The following SNX30 variants were observed in gnomAD, a reference collection of about 807,000 sequenced individuals.
SNX30 encodes the protein sorting nexin-30.
SNX30 carries 24 observed loss-of-function variants against 46.4 expected under a neutral mutation model. The observed-to-expected ratio is 0.52, with a 90% CI of 0.37 to 0.73. SNX30 has a LOEUF of 0.73. Among genes scored for constraint, SNX30 ranks in the 30% least tolerant of loss-of-function variants. The pLI is 0.00. For missense variants in SNX30, 533 were observed against 555.7 expected, an observed-to-expected ratio of 0.96 and a Z score of 0.41; for synonymous variants, 189 against 211.5, an observed-to-expected ratio of 0.89 and a Z score of 0.92.
intron 3 of SNX30, among the ~76,000 whole-genome samples, chr9:112,825,579 C>G (rs1036642990): frequency 6.6e-6 from 1 of 152,162 alleles, no homozygotes. Flanking sequence ...TAGACATGAG[C>G]CACTGTGTCT....
At chr9:112,766,555 A>G (rs7858117) in intron 1 of SNX30, among the ~76,000 whole-genome samples, 34,253 of 152,104 alleles carry the variant, frequency 0.23, 3,925 homozygotes, top group Admixed American at 0.27. Flanking sequence ...TGTGCAACAG[A>G]TCTCCAGAAC....
chr9:112,836,510 A>C, intron 5 of SNX30, 101 bp downstream of exon 5: 1 of 1,296,482 alleles, frequency 7.7e-7, no homozygotes, highest in South Asian at 1.5e-5. Context: ...TGCTGGAGTG[A>C]CAGAACTAGG....
downstream of SNX30, among the ~76,000 whole-genome samples, chr9:112,876,415 A>G (rs182601240): frequency 6.6e-6 from 1 of 151,200 alleles, no homozygotes; most frequent in African/African-American, 2.4e-5. Context: ...AGAGTTAAAG[A>G]CCAGCCTGAG....
At chr9:112,765,829 A>C (rs1218766800) in intron 1 of SNX30, among the ~76,000 whole-genome samples, 1 of 152,098 alleles carries the variant, frequency 6.6e-6, no homozygotes, top group Non-Finnish European at 1.5e-5. Context: ...TTTGAGATGG[A>C]GTCTCACTCT....
At chr9:112,817,401 C>CTTTTTTGTT (rs1840414683) in intron 2 of SNX30, among the ~76,000 whole-genome samples, 1 of 46,832 alleles carries the variant, frequency 2.1e-5, no homozygotes, top group Non-Finnish European at 3.4e-5. Flanking sequence ...AAAAAACTGG[C>CTTTTTTGTT]TTTTTTTTTT....
At chr9:112,843,765 C>G (rs1037492523) in intron 6 of SNX30, among the ~76,000 whole-genome samples, 1 of 151,858 alleles carries the variant, frequency 6.6e-6, no homozygotes, top group African/African-American at 2.4e-5. Flanking sequence ...CAGGTGCGCA[C>G]CACCACGCCC....
At chr9:112,863,949 T>C (rs1841277938) in intron 7 of SNX30, among the ~76,000 whole-genome samples, 1 of 152,348 alleles carries the variant, frequency 6.6e-6, no homozygotes, top group South Asian at 2.1e-4. Flanking sequence ...CAAAGACATA[T>C]GAGTCTGAAT....
At chr9:112,866,040 A>G (rs1183704086) in intron 8 of SNX30, among the ~76,000 whole-genome samples, 1 of 152,098 alleles carries the variant, frequency 6.6e-6, no homozygotes, top group Non-Finnish European at 1.5e-5. Context: ...TCTTCCCACT[A>G]TATCACAGGC....
chr9:112,855,177 T>C (rs1841101159), intron 7 of SNX30, among the ~76,000 whole-genome samples: 1 of 152,110 alleles, frequency 6.6e-6, no homozygotes, highest in African/African-American at 2.4e-5. Context: ...TTGCCTGATG[T>C]GGTTGTGAGC....
At chr9:112,821,415 G>GTA (rs1380420714) in intron 3 of SNX30, among the ~76,000 whole-genome samples, 20 of 151,294 alleles carry the variant, frequency 1.3e-4, no homozygotes, top group South Asian at 6.3e-4. Context: ...ATATATGTGT[G>GTA]TATATATATA....
chr9:112,796,487 T>C (rs1475958206), intron 1 of SNX30, among the ~76,000 whole-genome samples: 5 of 152,154 alleles, frequency 3.3e-5, no homozygotes, highest in Non-Finnish European at 5.9e-5. Context: ...GCTGCTGCTG[T>C]AGTTGGACTC....
At chr9:112,839,946 T>C (rs553218334) in intron 6 of SNX30, among the ~76,000 whole-genome samples, 41 of 152,280 alleles carry the variant, frequency 2.7e-4, no homozygotes, top group Admixed American at 2.4e-3. Context: ...TAAAAACAAA[T>C]TATGATGGAA....
At chr9:112,808,389 A>G (rs576200252) in intron 2 of SNX30, among the ~76,000 whole-genome samples, 9 of 152,358 alleles carry the variant, frequency 5.9e-5, no homozygotes, top group African/African-American at 2.2e-4. Flanking sequence ...ATGTAGGCAA[A>G]GAATTATCCA....
chr9:112,817,445 G>A (rs1201069593), intron 2 of SNX30, among the ~76,000 whole-genome samples: 13 of 69,998 alleles, frequency 1.9e-4, no homozygotes, highest in African/African-American at 5.8e-4. Flanking sequence ...ACGGAGTCTC[G>A]CTCTGTCACC....
At chr9:112,878,272 C>T (rs949679245), downstream of SNX30, 1 of 152,316 alleles carries the variant, frequency 6.6e-6, no homozygotes, top group Non-Finnish European at 1.5e-5. Context: ...ACCCCAGTCT[C>T]ATCTTACTGT....
chr9:112,864,136 T>A lies in SNX30; in HGVS notation c.1102-111T>A, dbSNP rs12001447. On this transcript the variant is annotated intron_variant, in intron 7 of 8. Transcript: ENST00000374232. ...GCCTCCAGAGGAGGGAGCGTGTTGA[T>A]AGCATTTTAATGTAGGGCTTTGGCC... The A allele has an allele frequency of 8.3e-4, 968 of 1,170,138 alleles. 7 individuals carry two copies. The African/African-American group carries it at 0.013, about 15-fold the overall frequency. 72.5% of individuals were successfully genotyped at this position (1,170,138 alleles called of 1,614,324 possible). A position where few individuals can be genotyped will look rare whatever the true frequency, so the allele number is the denominator to read the frequency against.
At chr9:112,796,598 C>T (rs1037168520) in intron 1 of SNX30, among the ~76,000 whole-genome samples, 1 of 152,066 alleles carries the variant, frequency 6.6e-6, no homozygotes, top group African/African-American at 2.4e-5. Flanking sequence ...GGAAGAGAAG[C>T]GGAGGGGGGA....
intron 1 of SNX30, among the ~76,000 whole-genome samples, chr9:112,756,186 T>C (rs1220094778): frequency 1.3e-5 from 2 of 151,944 alleles, no homozygotes; most frequent in African/African-American, 4.8e-5. Context: ...AGGGAGGAGG[T>C]GGTTGCCAGA....
At chr9:112,821,185 ACTGT>A (rs560182982) in intron 3 of SNX30, among the ~76,000 whole-genome samples, 6 of 152,200 alleles carry the variant, frequency 3.9e-5, no homozygotes, top group Non-Finnish European at 8.8e-5. Context: ...CAATGCTGTT[ACTGT>A]CTGTCTTTTG....
Sources: allele counts gnomAD v4.1 joint callset (sites outside exome capture counted in the v4.1 genomes callset), GRCh38; gene constraint gnomAD v4.1.1; transcripts MANE v1.5; gene names NCBI Gene and HGNC (gene_info 2026-07-23, HGNC 2026-07-21).